The following PROSER2 variants were observed in gnomAD, a reference collection of about 807,000 sequenced individuals.
PROSER2 encodes proline and serine-rich protein 2.
Under a neutral mutation model 14.6 loss-of-function variants are expected in PROSER2, and 18 were observed. That is an observed-to-expected ratio of 1.23 (90% CI 0.85 to 1.83). The LOEUF is 1.83. Among genes scored for constraint, PROSER2 ranks in the 40% most tolerant of loss-of-function variants. PROSER2 has a pLI of 0.00. For synonymous variants in PROSER2, 367 were observed against 286.4 expected, an observed-to-expected ratio of 1.28 and a Z score of -2.84; for missense variants, 823 against 629.8, an observed-to-expected ratio of 1.31 and a Z score of -3.28.
intron 1 of PROSER2, among the ~76,000 whole-genome samples, chr10:11,825,524 C>T (rs1312011639): frequency 2.6e-5 from 4 of 152,308 alleles, no homozygotes; most frequent in South Asian, 4.1e-4. Flanking sequence ...TCCTGGCCAC[C>T]ATAGGAAAGC....
At chr10:11,826,469 CTGTACCATTT>C (rs1833614856) in intron 1 of PROSER2, among the ~76,000 whole-genome samples, 1 of 152,254 alleles carries the variant, frequency 6.6e-6, no homozygotes, top group Admixed American at 6.5e-5. Flanking sequence ...TCTATAGCAG[CTGTACCATTT>C]TGTGTTCCCA....
intron 2 of PROSER2, among the ~76,000 whole-genome samples, chr10:11,855,371 G>A (rs1236127738): frequency 6.6e-6 from 1 of 151,188 alleles, no homozygotes; most frequent in East Asian, 1.9e-4. Flanking sequence ...CTACTGGGGA[G>A]GCTGAGCCAG....
chr10:11,839,690 TG>T (rs1342087745), intron 1 of PROSER2, among the ~76,000 whole-genome samples: 1 of 151,280 alleles, frequency 6.6e-6, no homozygotes, highest in Non-Finnish European at 1.5e-5. Context: ...CTAGATGTGG[TG>T]GGGGGCACCT....
intron 1 of PROSER2, among the ~76,000 whole-genome samples, chr10:11,847,416 TTTG>T (rs899198034): frequency 5.9e-5 from 9 of 152,086 alleles, no homozygotes; most frequent in African/African-American, 1.2e-4. Context: ...GTTGTTTTGT[TTTG>T]TTGTTGTTGT....
At chr10:11,860,077 C>G (rs1006508177) in intron 2 of PROSER2, among the ~76,000 whole-genome samples, 3 of 152,194 alleles carry the variant, frequency 2.0e-5, no homozygotes, top group Non-Finnish European at 4.4e-5. Context: ...AAGGCAGATC[C>G]GGGTTCACTG....
At chr10:11,859,359 G>A (rs142403608) in intron 2 of PROSER2, among the ~76,000 whole-genome samples, 25 of 152,212 alleles carry the variant, frequency 1.6e-4, no homozygotes, top group African/African-American at 5.8e-4. Context: ...ACCAGGAGGC[G>A]GAGGTTGCAG....
intron 3 of PROSER2, among the ~76,000 whole-genome samples, chr10:11,867,155 C>G (rs1019888430): frequency 2.7e-5 from 4 of 149,914 alleles, no homozygotes; most frequent in Non-Finnish European, 4.4e-5. Context: ...GTCCCAGCTA[C>G]TCAGGAGGCT....
chr10:11,838,574 C>CT lies in PROSER2; in HGVS notation c.-81-13422dup, dbSNP rs1833794430. ...GGCTCGTAGGACACGCTTAGTTTCT[C>CT]TAAGTATTGCCCAGTTGCCCTACAG... On this transcript the variant is annotated intron_variant, in intron 1 of 3. Coordinates refer to ENST00000277570, the MANE Select transcript of PROSER2 (RefSeq NM_153256.4). The surrounding 1 kb of genome is among the most constrained non-coding windows in gnomAD (Gnocchi z 4.4). 1.3e-5 allele frequency among the ~76,000 whole-genome samples: 2 copies of CT among 152,356 alleles called. No homozygotes were observed. The highest frequency in any genetic ancestry group is 2.1e-4 in the South Asian group (1 of 4,824).
At chr10:11,859,872 C>T (rs945805523) in intron 2 of PROSER2, among the ~76,000 whole-genome samples, 1 of 152,254 alleles carries the variant, frequency 6.6e-6, no homozygotes, top group African/African-American at 2.4e-5. Flanking sequence ...TTTGCAGTCA[C>T]TGCCCATCCC....
chr10:11,870,266 A>G lies in PROSER2; in HGVS notation c.1168A>G (p.Asn390Asp), dbSNP rs914402996. The G allele has an allele frequency of 8.0e-5, 119 of 1,488,596 alleles. No individual in the cohort carries two copies. The highest frequency in any genetic ancestry group is 9.6e-5 in the Non-Finnish European group (108 of 1,127,092). 92.2% of individuals were successfully genotyped at this position (1,488,596 alleles called of 1,614,324 possible). Residue 390 changes from asparagine to aspartate, a missense_variant, in exon 4 of 4, where the codon AAC (asparagine) becomes GAC (aspartate). Coordinates refer to ENST00000277570, the MANE Select transcript of PROSER2 (RefSeq NM_153256.4). ...GAGCTTCCCCGGGCCCCGGCAGCCC[A>G]ACGGCGCCCAGGACTGGCGCCGCGC... ...RQSFPGPRQP[N>D]GAQDWRRADS... is the part of the protein sequence containing the mutation.
chr10:11,839,839 G>C (rs1316269718), intron 1 of PROSER2, among the ~76,000 whole-genome samples: 1 of 149,166 alleles, frequency 6.7e-6, no homozygotes, highest in Non-Finnish European at 1.5e-5. Flanking sequence ...AAAAAAAAAA[G>C]ACTTAAAATA....
intron 1 of PROSER2, among the ~76,000 whole-genome samples, chr10:11,848,136 GGTTT>G (rs1332491725): frequency 6.6e-6 from 1 of 151,820 alleles, no homozygotes; most frequent in Non-Finnish European, 1.5e-5. Context: ...GCCCCACTCT[GGTTT>G]GTTTTTGTTT....
chr10:11,867,109 C>CA (rs891187117), intron 3 of PROSER2, among the ~76,000 whole-genome samples: 9 of 151,636 alleles, frequency 5.9e-5, no homozygotes, highest in South Asian at 2.1e-4. Context: ...CTAAAAAATA[C>CA]AAAAAATTAG....
Position 11,869,969 on chromosome 10 carries a change from G to C in PROSER2, c.871G>C (p.Gly291Arg). The C allele has an allele frequency of 1.5e-6, 2 of 1,360,676 alleles. No individual in the cohort carries two copies. Among genetic ancestry groups the C allele is most frequent in the Non-Finnish European group, 9.4e-7 (1 of 1,060,552 alleles). The allele number at this position is 1,360,676 out of a possible 1,614,324, so 84.3% of individuals were successfully genotyped here. A position where few individuals can be genotyped will look rare whatever the true frequency, so the allele number is the denominator to read the frequency against. ...RRAQVLATIH[G>R]HAGAFPAAGD... ...GGCGCAGGTGTTGGCCACCATCCAC[G>C]GCCACGCCGGCGCCTTCCCCGCCGC... Residue 291 changes from glycine to arginine, a missense_variant, in exon 4 of 4, where the codon GGC (glycine) becomes CGC (arginine). By Grantham distance (125) the Gly-to-Arg change is moderately radical (BLOSUM62 -2). Coordinates refer to ENST00000277570, the MANE Select transcript of PROSER2 (RefSeq NM_153256.4). This position sits in a 1 kb window ranked among gnomAD's most constrained non-coding sequence, Gnocchi z 4.4.
At chr10:11,840,922 C>CAA (rs1169517487) in intron 1 of PROSER2, among the ~76,000 whole-genome samples, 5 of 50,404 alleles carry the variant, frequency 9.9e-5, no homozygotes, top group Non-Finnish European at 1.3e-4. Flanking sequence ...GAGACTGTCT[C>CAA]AAAAAAAAAA....
At chr10:11,868,631 GT>G (rs555501693) in intron 3 of PROSER2, among the ~76,000 whole-genome samples, 2,658 of 144,784 alleles carry the variant, frequency 0.018, 65 homozygotes, top group African/African-American at 0.066. Context: ...TGAATTTCAG[GT>G]TTTTTGTTTT....
At chr10:11,847,154 A>AATAAATATATATATATATAT (rs1197050251) in intron 1 of PROSER2, among the ~76,000 whole-genome samples, 7 of 88,246 alleles carry the variant, frequency 7.9e-5, no homozygotes, top group African/African-American at 1.9e-4. Flanking sequence ...AACATAAATA[A>AATAAATATATATATATATAT]ATATATATAT....
At chr10:11,863,867 C>T (rs967915779) in intron 2 of PROSER2, among the ~76,000 whole-genome samples, 5 of 152,284 alleles carry the variant, frequency 3.3e-5, no homozygotes, top group Admixed American at 6.5e-5. Flanking sequence ...TCTGTGGTTG[C>T]TCATGGTTTC....
Position 11,823,853 on chromosome 10 carries a change from G to A in PROSER2, c.-82+383G>A, listed in dbSNP as rs1833575196. On this transcript the variant is annotated intron_variant, in intron 1 of 3. Coordinates refer to ENST00000277570, the MANE Select transcript of PROSER2 (RefSeq NM_153256.4). The surrounding 1 kb of genome is among the most constrained non-coding windows in gnomAD (Gnocchi z 6.2). ...CCAACCCGGGACCCCTGTCCTTTGC[G>A]CCGTGGGACCCCATGCGGCCTCGGG... Among the ~76,000 whole-genome samples the A allele has an allele frequency of 6.6e-6, 1 of 152,192 alleles. No individual in the cohort carries two copies. The highest frequency in any genetic ancestry group is 2.1e-4 in the South Asian group (1 of 4,836).
Sources: gnomAD v4.1 joint callset for allele counts (sites outside exome capture counted in the v4.1 genomes callset) on GRCh38, gnomAD v4.1.1 for gene constraint, Gnocchi (gnomAD v3.1) non-coding constraint, MANE v1.5 for transcripts, NCBI Gene and HGNC (gene_info 2026-07-23, HGNC 2026-07-21) for gene names.